ZNF93: variants seen among roughly 807,000 people sequenced by gnomAD.
ZNF93 encodes the protein zinc finger protein 505.
A neutral mutation model predicts 45.0 loss-of-function variants in ZNF93; 29 were observed. The ratio of observed to expected loss-of-function variants is 0.64; its 90% confidence interval spans 0.48 to 0.88. The LOEUF (loss-of-function observed/expected upper bound fraction) is 0.88. Among genes scored for constraint, ZNF93 ranks in the 40% least tolerant of loss-of-function variants. ZNF93 has a pLI of 0.00. For missense variants in ZNF93, 578 were observed against 724.0 expected (o/e 0.80, Z 2.31); for synonymous variants, 223 against 244.6 (o/e 0.91, Z 0.82).
chr19:19,923,204 G>C (rs139816342), intron 3 of ZNF93, among the ~76,000 whole-genome samples: 1 of 152,202 alleles, frequency 6.6e-6, no homozygotes, highest in Non-Finnish European at 1.5e-5. Flanking sequence ...GTCCACTCCA[G>C]ACCCTGTTTG....
chr19:19,930,640 A>C lies in ZNF93; in HGVS notation c.227-2542A>C, dbSNP rs185832211. On this transcript the variant is annotated intron_variant, in intron 3 of 3. Transcript: ENST00000343769. ...TGTCTGGGCATAACAGAAGGCTCTC[A>C]CTCTTGTCTTCTGGTAACTTCTCAC... Among the ~76,000 whole-genome samples the C allele has an allele frequency of 8.7e-5, 13 of 149,910 alleles. No individual in the cohort carries two copies. In the East Asian group the frequency reaches 2.7e-3, roughly 31 times the overall value.
intron 3 of ZNF93, among the ~76,000 whole-genome samples, chr19:19,928,136 TG>T (rs764855171): frequency 1.3e-5 from 2 of 152,248 alleles, no homozygotes; most frequent in Admixed American, 6.5e-5. Flanking sequence ...AATATGTTTT[TG>T]TATCATTCAA....
chr19:19,930,548 T>G (rs1233878582), intron 3 of ZNF93, among the ~76,000 whole-genome samples: 2 of 140,438 alleles, frequency 1.4e-5, no homozygotes, highest in South Asian at 2.3e-4. Flanking sequence ...GACCGCGGTC[T>G]GCTAGGCAAC....
intron 3 of ZNF93, among the ~76,000 whole-genome samples, chr19:19,924,085 T>C (rs1280471725): frequency 2.0e-5 from 3 of 152,038 alleles, no homozygotes; most frequent in Non-Finnish European, 4.4e-5. Context: ...TCCTTCCTTC[T>C]TTCTTCTTTC....
At chr19:19,906,351 A>G (rs11880646) in intron 1 of ZNF93, among the ~76,000 whole-genome samples, 1,882 of 152,072 alleles carry the variant, frequency 0.012, 40 homozygotes, top group African/African-American at 0.043. Flanking sequence ...GCATCTGTTC[A>G]TGGTTATTTT....
At position 19,934,832 on chromosome 19, in the gene ZNF93, G is replaced by A. The variant is rs1211303825; in HGVS notation, c.*14G>A. The A allele has an allele frequency of 6.3e-7, 1 of 1,586,962 alleles. No homozygotes were observed. The highest frequency in any genetic ancestry group is 8.6e-7 in the Non-Finnish European group (1 of 1,168,466). On this transcript the variant is annotated 3_prime_UTR_variant, in exon 4 of 4. Transcript: ENST00000343769. Reference sequence around the variant, plus strand: ...GAGAAACCCTAGAAGTGTGAAGAATGTGGCAAAGCCTTCAAGTGGTCCTCA... The same window carrying A: ...GAGAAACCCTAGAAGTGTGAAGAATATGGCAAAGCCTTCAAGTGGTCCTCA...
intron 1 of ZNF93, among the ~76,000 whole-genome samples, chr19:19,903,127 G>C (rs1351453156): frequency 1.3e-5 from 2 of 152,266 alleles, no homozygotes; most frequent in East Asian, 3.9e-4. Context: ...TTATGTAAAA[G>C]ATGAATTTCA....
chr19:19,922,430 C>T lies in ZNF93; in HGVS notation c.226+5775C>T, dbSNP rs190898957. On this transcript the variant is annotated intron_variant, in intron 3 of 3. Transcript: ENST00000343769. ...AATTATGTGTCTTGGAGTTGCTCTT[C>T]TTGAGGAGTATCTTTGTGGCATTCT... Among the ~76,000 whole-genome samples, 755 of 152,166 alleles carry T rather than the reference C, an allele frequency of 5.0e-3. 11 individuals carry two copies. Among genetic ancestry groups the T allele is most frequent in the African/African-American group, 0.017 (716 of 41,512 alleles).
intron 3 of ZNF93, among the ~76,000 whole-genome samples, chr19:19,924,334 G>T (rs117136068): frequency 6.6e-6 from 1 of 152,064 alleles, no homozygotes; most frequent in East Asian, 1.9e-4. Flanking sequence ...TAGATGATCC[G>T]CCCGTCTCTG....
rs2063268223 is a variant in ZNF93 at position 19,900,973 on chromosome 19, T to G, written c.-116T>G. The G allele has an allele frequency of 2.0e-6, 3 of 1,509,252 alleles. No individual in the cohort carries two copies. Among genetic ancestry groups the G allele is most frequent in the Non-Finnish European group, 2.7e-6 (3 of 1,094,882 alleles). 93.5% of individuals were successfully genotyped at this position (1,509,252 alleles called of 1,614,324 possible). On this transcript the variant is annotated 5_prime_UTR_variant, in exon 1 of 4. Coordinates refer to ENST00000343769, the MANE Select transcript of ZNF93 (RefSeq NM_031218.4). Reference sequence around the variant, plus strand: ...CTCTCGGTGCAGCCGGAGCTCCAGGTCTCCTCTTCACTACTCTGTGTCCTG... The same window carrying G: ...CTCTCGGTGCAGCCGGAGCTCCAGGGCTCCTCTTCACTACTCTGTGTCCTG...
chr19:19,927,752 G>GATTAC (rs2063360537), intron 3 of ZNF93, among the ~76,000 whole-genome samples: 9 of 152,260 alleles, frequency 5.9e-5, no homozygotes, highest in Admixed American at 3.9e-4. Context: ...TGGCTTTTGT[G>GATTAC]AATACTGATT....
chr19:19,911,437 G>A (rs1331194882), intron 1 of ZNF93, among the ~76,000 whole-genome samples: 1 of 152,118 alleles, frequency 6.6e-6, no homozygotes, highest in East Asian at 1.9e-4. Flanking sequence ...TCTTTGGTTG[G>A]TACCCCGATG....
chr19:19,915,515 C>A (rs1161629209), intron 2 of ZNF93, 109 bp downstream of exon 2: 3 of 1,390,704 alleles, frequency 2.2e-6, no homozygotes, highest in African/African-American at 2.9e-5. Context: ...AGTTTCAGAT[C>A]CATTTTTTCC....
At chr19:19,927,081 A>G (rs2063358367) in intron 3 of ZNF93, 2 of 398,510 alleles carry the variant, frequency 5.0e-6, no homozygotes, top group Non-Finnish European at 8.8e-6. Context: ...AAAATTTACC[A>G]TCTTAAATTT....
At chr19:19,907,895 G>T (rs971671714) in intron 1 of ZNF93, 2 of 152,024 alleles carry the variant, frequency 1.3e-5, no homozygotes, top group Non-Finnish European at 2.9e-5. Context: ...TCACTTAAAT[G>T]GTTATTTTAA....
chr19:19,916,687 A>G (rs781281901), intron 3 of ZNF93, 32 bp downstream of exon 3: 13 of 1,538,056 alleles, frequency 8.5e-6, no homozygotes, highest in Non-Finnish European at 1.1e-5. Flanking sequence ...TACAACAGAC[A>G]ACACAGTAAG....
Position 19,933,510 on chromosome 19 carries a change from C to T in ZNF93, c.555C>T (p.Phe185=). ...AATGTGGCAAAGCTTTTAACCAGTT[C>T]TCAACCCTTATAACACATAAGAAAA... The part of the protein sequence containing the change: ...CIECGKAFNQ[F]STLITHKKIH... Residue 185 remains phenylalanine, a synonymous_variant, in exon 4 of 4, where the codon TTC becomes TTT. Coordinates refer to ENST00000343769, the MANE Select transcript of ZNF93 (RefSeq NM_031218.4). 1 of 1,608,152 alleles carries T rather than the reference C, an allele frequency of 6.2e-7. No homozygotes were observed. The highest frequency in any genetic ancestry group is 8.5e-7 in the Non-Finnish European group (1 of 1,178,142).
At chr19:19,923,652 A>G (rs906060031) in intron 3 of ZNF93, among the ~76,000 whole-genome samples, 2 of 152,118 alleles carry the variant, frequency 1.3e-5, no homozygotes, top group Non-Finnish European at 2.9e-5. Flanking sequence ...GGTGCCTTAA[A>G]GTTTGATCTC....
At chr19:19,918,131 T>C (rs1650610658) in intron 3 of ZNF93, among the ~76,000 whole-genome samples, 1 of 150,666 alleles carries the variant, frequency 6.6e-6, no homozygotes. Flanking sequence ...CCCCAGTGTG[T>C]GATGTTCTCC....
Sources: allele counts gnomAD v4.1 joint callset (sites outside exome capture counted in the v4.1 genomes callset), GRCh38; gene constraint gnomAD v4.1.1; transcripts MANE v1.5; gene names NCBI Gene and HGNC (gene_info 2026-07-23, HGNC 2026-07-21).